B3GALT1: variants seen among roughly 807,000 people sequenced by gnomAD.
The protein encoded by B3GALT1 is beta-1,3-galactosyltransferase 1.
In B3GALT1, 10 loss-of-function variants were observed where a neutral mutation model predicts 23.2. That is an observed-to-expected ratio of 0.43 (90% confidence interval 0.27 to 0.73). The LOEUF is 0.73. Ranked by LOEUF, B3GALT1 falls within the 30% of genes least tolerant of loss-of-function variation. The pLI is 0.21. For missense variants in B3GALT1, 299 were observed against 405.4 expected, an observed-to-expected ratio of 0.74 and a Z score of 2.25; for synonymous variants, 156 against 141.5, an observed-to-expected ratio of 1.10 and a Z score of -0.73.
At chr2:167,444,653 T>A (rs187883126) in intron 1 of B3GALT1, among the ~76,000 whole-genome samples, 3 of 152,374 alleles carry the variant, frequency 2.0e-5, no homozygotes, top group East Asian at 3.9e-4. Context: ...TTTATTTGCG[T>A]AGAGGTGTTT....
chr2:167,389,105 C>T (rs1697976962), intron 1 of B3GALT1, among the ~76,000 whole-genome samples: 1 of 152,020 alleles, frequency 6.6e-6, no homozygotes, highest in South Asian at 2.1e-4. Context: ...CAAAGAGAGC[C>T]AGTATATTAT....
intron 1 of B3GALT1, among the ~76,000 whole-genome samples, chr2:167,405,407 A>G (rs1227895844): frequency 6.6e-6 from 1 of 152,140 alleles, no homozygotes; most frequent in Non-Finnish European, 1.5e-5. Context: ...ATTAACTATA[A>G]CAGTGCAATA....
chr2:167,721,077 T>TTC lies in B3GALT1; in HGVS notation c.-352+74122_-352+74123dup, dbSNP rs533569500. 4.4e-3 allele frequency among the ~76,000 whole-genome samples: 662 copies of TTC among 152,058 alleles called. 2 individuals carry two copies. The highest frequency in any genetic ancestry group is 0.015 in the African/African-American group (612 of 41,470). ...CTGTATATCTCCATCTTTCTCTCTC[T>TTC]TCTCTCTCTCTCACTCTTTCTCTTC... On this transcript the variant is annotated intron_variant, in intron 3 of 4. Coordinates refer to ENST00000392690, the MANE Select transcript of B3GALT1 (RefSeq NM_020981.4).
chr2:167,649,008 T>G (rs1685807651), intron 3 of B3GALT1, among the ~76,000 whole-genome samples: 1 of 152,152 alleles, frequency 6.6e-6, no homozygotes, highest in Non-Finnish European at 1.5e-5. Context: ...GCCTTTCACT[T>G]GCTCAAACTA....
chr2:167,422,441 A>T (rs771538845), intron 1 of B3GALT1, among the ~76,000 whole-genome samples: 1 of 152,182 alleles, frequency 6.6e-6, no homozygotes, highest in Non-Finnish European at 1.5e-5. Context: ...GCCTGAGCTG[A>T]GTAAGACAAC....
chr2:167,306,606 T>G (rs1215690043), intron 1 of B3GALT1, among the ~76,000 whole-genome samples: 1 of 152,042 alleles, frequency 6.6e-6, no homozygotes, highest in African/African-American at 2.4e-5. Flanking sequence ...TTTCATCTCC[T>G]TATATAGGTG....
intron 3 of B3GALT1, among the ~76,000 whole-genome samples, chr2:167,700,776 G>C (rs1686869133): frequency 6.6e-6 from 1 of 152,138 alleles, no homozygotes. Flanking sequence ...CGAATAGTGT[G>C]ACCCACAGGC....
At chr2:167,505,999 G>A (rs2105350765) in intron 2 of B3GALT1, among the ~76,000 whole-genome samples, 1 of 152,236 alleles carries the variant, frequency 6.6e-6, no homozygotes, top group South Asian at 2.1e-4. Flanking sequence ...GGTGGAGGAT[G>A]CAGTGAGCCA....
chr2:167,325,702 CT>C lies in B3GALT1; in HGVS notation c.-511+32393del, dbSNP rs61066636. Among the ~76,000 whole-genome samples, 308 of 110,510 alleles carry C rather than the reference CT, an allele frequency of 2.8e-3. 1 individual carries two copies. The highest frequency in any genetic ancestry group is 9.0e-3 in the African/African-American group (272 of 30,182). The allele number at this position is 110,510 out of a possible 152,430, so 72.5% of individuals were successfully genotyped here. A position where few individuals can be genotyped will look rare whatever the true frequency, so the allele number is the denominator to read the frequency against. ...TTTTGAGAAATCTCCACCCTGTTTT[CT>C]TTTTTTTTTTTTTTTTTTTTTTTTC... On this transcript the variant is annotated intron_variant, in intron 1 of 4. Transcript: ENST00000392690.
chr2:167,761,407 G>T (rs761009873), intron 3 of B3GALT1, among the ~76,000 whole-genome samples: 2 of 152,260 alleles, frequency 1.3e-5, no homozygotes, highest in African/African-American at 4.8e-5. Flanking sequence ...TGTTCCTAGG[G>T]AGCATGCATT....
chr2:167,831,042 C>T (rs1413442616), intron 4 of B3GALT1, among the ~76,000 whole-genome samples: 1 of 152,218 alleles, frequency 6.6e-6, no homozygotes, highest in African/African-American at 2.4e-5. Flanking sequence ...AAGTTCTCTA[C>T]AAAATCTAGT....
intron 1 of B3GALT1, among the ~76,000 whole-genome samples, chr2:167,308,512 C>A (rs1001368476): frequency 4.6e-5 from 7 of 151,972 alleles, no homozygotes; most frequent in Admixed American, 6.6e-5. Context: ...AATGAAGTAA[C>A]TGATACTTTA....
chr2:167,719,203 A>G (rs753915933), intron 3 of B3GALT1, among the ~76,000 whole-genome samples: 4 of 152,330 alleles, frequency 2.6e-5, no homozygotes, highest in South Asian at 2.1e-4. Flanking sequence ...CTTCATGACT[A>G]TAATTTTCTT....
intron 2 of B3GALT1, among the ~76,000 whole-genome samples, chr2:167,576,312 G>A (rs550869592): frequency 2.0e-5 from 3 of 151,660 alleles, no homozygotes; most frequent in African/African-American, 7.2e-5. Flanking sequence ...ATATTTTTCT[G>A]ATCACAGAAA....
intron 1 of B3GALT1, among the ~76,000 whole-genome samples, chr2:167,340,335 A>AAAAAAAAAAAAAAAAAAAAAAAAAAAC (rs1553513212): frequency 7.1e-6 from 1 of 140,640 alleles, no homozygotes; most frequent in African/African-American, 2.6e-5. Flanking sequence ...AAAAAAAAAA[A>AAAAAAAAAAAAAAAAAAAAAAAAAAAC]CAGAGCTTTT....
chr2:167,434,441 C>T (rs921228609), intron 1 of B3GALT1, among the ~76,000 whole-genome samples: 1 of 151,322 alleles, frequency 6.6e-6, no homozygotes, highest in African/African-American at 2.4e-5. Context: ...CTCCCACCCC[C>T]CAATCTTGTA....
At chr2:167,500,440 G>C (rs1416466250) in intron 2 of B3GALT1, among the ~76,000 whole-genome samples, 1 of 152,008 alleles carries the variant, frequency 6.6e-6, no homozygotes, top group African/African-American at 2.4e-5. Flanking sequence ...AAATTGTGTG[G>C]GGGTGTCATT....
intron 1 of B3GALT1, among the ~76,000 whole-genome samples, chr2:167,420,984 G>A (rs1698540105): frequency 6.6e-6 from 1 of 152,128 alleles, no homozygotes; most frequent in Admixed American, 6.6e-5. Context: ...ATATTTAAGT[G>A]CTAATATTTG....
intron 3 of B3GALT1, among the ~76,000 whole-genome samples, chr2:167,774,484 T>TG (rs1480727104): frequency 7.6e-5 from 9 of 118,142 alleles, no homozygotes; most frequent in Non-Finnish European, 1.3e-4. Context: ...TTTTTTTTTT[T>TG]GTTTTTTTTT....
Sources: allele counts gnomAD v4.1 joint callset (sites outside exome capture counted in the v4.1 genomes callset), GRCh38; gene constraint gnomAD v4.1.1; transcripts MANE v1.5; gene names NCBI Gene and HGNC (gene_info 2026-07-23, HGNC 2026-07-21).